ZFAND3: variants seen among roughly 807,000 people sequenced by gnomAD.
ZFAND3 encodes the protein AN1-type zinc finger protein 3.
ZFAND3 carries 10 observed loss-of-function variants against 29.6 expected under a neutral mutation model. The observed-to-expected ratio is 0.34, with a 90% confidence interval of 0.21 to 0.57. The LOEUF (loss-of-function observed/expected upper bound fraction) is 0.57. ZFAND3 is among the 20% of genes least tolerant of loss of function. ZFAND3 has a pLI of 0.86. For missense variants in ZFAND3, 230 were observed against 304.5 expected, an observed-to-expected ratio of 0.76 and a Z score of 1.82; for synonymous variants, 128 against 112.6, an observed-to-expected ratio of 1.14 and a Z score of -0.87.
chr6:38,115,930 G>C (rs557828552), intron 4 of ZFAND3, among the ~76,000 whole-genome samples: 1 of 152,328 alleles, frequency 6.6e-6, no homozygotes, highest in South Asian at 2.1e-4. Context: ...CCATGGTGGA[G>C]TTCATAGGGC....
chr6:37,984,896 A>T (rs977481762), intron 2 of ZFAND3, among the ~76,000 whole-genome samples: 2 of 152,178 alleles, frequency 1.3e-5, no homozygotes, highest in South Asian at 2.1e-4. Flanking sequence ...TCATTGCTGT[A>T]TGTGTTACGT....
chr6:38,038,074 G>A (rs1405291509), intron 2 of ZFAND3, among the ~76,000 whole-genome samples: 1 of 152,210 alleles, frequency 6.6e-6, no homozygotes, highest in African/African-American at 2.4e-5. Flanking sequence ...CTTCATGGCA[G>A]TCTGCGTGTA....
At chr6:37,869,193 C>T (rs1034742147) in intron 1 of ZFAND3, among the ~76,000 whole-genome samples, 2 of 152,174 alleles carry the variant, frequency 1.3e-5, no homozygotes, top group Non-Finnish European at 2.9e-5. Context: ...TGGAGTCTCG[C>T]TCTATCATCC....
intron 1 of ZFAND3, among the ~76,000 whole-genome samples, chr6:37,884,744 C>T (rs1764960025): frequency 8.6e-6 from 1 of 116,914 alleles, no homozygotes. Context: ...TGATGTCACT[C>T]AGAACGCTTT....
chr6:38,078,295 C>T (rs1212787720), intron 3 of ZFAND3, among the ~76,000 whole-genome samples: 6 of 152,218 alleles, frequency 3.9e-5, no homozygotes, highest in Admixed American at 3.9e-4. Flanking sequence ...AGAATATTCA[C>T]TCTTCTCTAG....
chr6:38,114,217 T>A (rs986968997), intron 4 of ZFAND3, among the ~76,000 whole-genome samples: 4 of 152,326 alleles, frequency 2.6e-5, no homozygotes, highest in Non-Finnish European at 5.9e-5. Context: ...AAAAAAAAAA[T>A]TCTAAATAGG....
intron 2 of ZFAND3, 67 bp from the exon 3 acceptor site, chr6:38,061,526 T>C: frequency 6.4e-7 from 1 of 1,574,252 alleles, no homozygotes; most frequent in Non-Finnish European, 8.6e-7. Context: ...TGTACCAACT[T>C]CCATTGTTTT....
intron 2 of ZFAND3, among the ~76,000 whole-genome samples, chr6:38,044,255 CTAAT>C (rs764116520): frequency 6.6e-6 from 1 of 152,154 alleles, no homozygotes; most frequent in Non-Finnish European, 1.5e-5. Flanking sequence ...TAGCAGTACA[CTAAT>C]TACTGTCTTT....
At position 38,144,204 on chromosome 6, in the gene ZFAND3, TATATATAATATATAATATATA is replaced by T. The variant is rs1766040404; in HGVS notation, c.530-8030_530-8010del. Among the ~76,000 whole-genome samples the T allele has an allele frequency of 1.1e-4, 5 of 47,032 alleles. 1 individual carries two copies. The East Asian group carries it at 1.3e-3, about 12-fold the overall frequency. 30.9% of individuals were successfully genotyped at this position (47,032 alleles called of 152,430 possible). A position where few individuals can be genotyped will look rare whatever the true frequency, so the allele number is the denominator to read the frequency against. ...TATATAATATATATATATATATATA[TATATATAATATATAATATATA>T]TATATATTTTTTTTTTAATAAGGTT... is the stretch of plus-strand genomic sequence containing the variant. On this transcript the variant is annotated intron_variant, in intron 5 of 5. Coordinates refer to ENST00000287218, the MANE Select transcript of ZFAND3 (RefSeq NM_021943.3).
chr6:38,040,121 C>G (rs1049210820), intron 2 of ZFAND3, among the ~76,000 whole-genome samples: 2 of 152,184 alleles, frequency 1.3e-5, no homozygotes, highest in South Asian at 4.1e-4. Context: ...CCTGCATTTT[C>G]TACTTTTTTT....
chr6:38,083,977 C>G (rs753783721), intron 4 of ZFAND3, among the ~76,000 whole-genome samples: 32 of 152,042 alleles, frequency 2.1e-4, no homozygotes, highest in Non-Finnish European at 2.2e-4. Flanking sequence ...AACAGTTCTT[C>G]AAGATAGTTA....
At position 38,153,912 on chromosome 6, in the gene ZFAND3, AAAC is replaced by A. The variant is rs1170778927; in HGVS notation, c.*1529_*1531del. On this transcript the variant is annotated 3_prime_UTR_variant, in exon 6 of 6. Transcript: ENST00000287218. The stretch of plus-strand genomic sequence containing the variant: ...TAACCCAGCAACTTTCCTTTTTATA[AAAC>A]AACAAATGGTTCAACTCTGTCTGCA... 3.0e-6 allele frequency: 3 copies of A among 985,338 alleles called. No individual in the cohort carries two copies. The African/African-American group carries it at 5.2e-5, about 17-fold the overall frequency. 61.0% of individuals were successfully genotyped at this position (985,338 alleles called of 1,614,324 possible). A position where few individuals can be genotyped will look rare whatever the true frequency, so the allele number is the denominator to read the frequency against.
At chr6:37,920,573 A>G (rs917928564) in intron 1 of ZFAND3, among the ~76,000 whole-genome samples, 6 of 152,226 alleles carry the variant, frequency 3.9e-5, no homozygotes, top group African/African-American at 1.4e-4. Flanking sequence ...GAATTTGGGC[A>G]TAAAATGCTA....
At chr6:37,893,894 T>C (rs1375079634) in intron 1 of ZFAND3, among the ~76,000 whole-genome samples, 1 of 152,114 alleles carries the variant, frequency 6.6e-6, no homozygotes, top group Non-Finnish European at 1.5e-5. Context: ...GTGTTATTGT[T>C]GTCATGCACT....
At chr6:38,118,903 A>G (rs1765473287) in intron 5 of ZFAND3, among the ~76,000 whole-genome samples, 2 of 152,194 alleles carry the variant, frequency 1.3e-5, no homozygotes, top group South Asian at 4.1e-4. Flanking sequence ...TGCTAAATGC[A>G]TATTGGGTTT....
At position 38,116,431 on chromosome 6, in the gene ZFAND3, CA is replaced by C. The variant is rs1454383681; in HGVS notation, c.362-139del. On this transcript the variant is annotated intron_variant, in intron 4 of 5. Transcript: ENST00000287218. ...CATAGTTTGTGCAGTATAAACCAAG[CA>C]AGTCAGAACTGGCTCTCACCTGTCT... is the stretch of plus-strand genomic sequence containing the variant. 4.3e-6 allele frequency: 4 copies of C among 940,026 alleles called. No homozygotes were observed. In the Admixed American group the frequency reaches 9.6e-5, roughly 22 times the overall value. 58.2% of individuals were successfully genotyped at this position (940,026 alleles called of 1,614,324 possible).
At chr6:38,011,565 A>G (rs1208914185) in intron 2 of ZFAND3, among the ~76,000 whole-genome samples, 1 of 152,046 alleles carries the variant, frequency 6.6e-6, no homozygotes, top group East Asian at 1.9e-4. Context: ...TTTAATTTTC[A>G]TTTCCTTTTG....
chr6:37,930,628 A>G (rs1761577400), intron 2 of ZFAND3, among the ~76,000 whole-genome samples: 1 of 152,110 alleles, frequency 6.6e-6, no homozygotes, highest in African/African-American at 2.4e-5. Flanking sequence ...AAAATGAAGG[A>G]CTTGGGCTTG....
At chr6:37,990,294 G>A (rs1424770337) in intron 2 of ZFAND3, among the ~76,000 whole-genome samples, 2 of 152,100 alleles carry the variant, frequency 1.3e-5, no homozygotes, top group Non-Finnish European at 2.9e-5. Flanking sequence ...TCAAATTTCT[G>A]TTCTGGTATT....
Sources: allele counts gnomAD v4.1 joint callset (sites outside exome capture counted in the v4.1 genomes callset), GRCh38; gene constraint gnomAD v4.1.1; transcripts MANE v1.5; gene names NCBI Gene and HGNC (gene_info 2026-07-23, HGNC 2026-07-21).